Variants in HCN1 observed in about 807,000 individuals in gnomAD.
HCN1 encodes potassium/sodium hyperpolarization-activated cyclic nucleotide-gated channel 1.
HCN1 carries 13 observed loss-of-function variants against 78.9 expected under a neutral mutation model. That is an observed-to-expected ratio of 0.16 (90% CI 0.11 to 0.26). The LOEUF (loss-of-function observed/expected upper bound fraction) is 0.26. Ranked by LOEUF, HCN1 falls within the 10% of genes least tolerant of loss-of-function variation. HCN1 has a pLI of 1.00. For synonymous variants in HCN1, 552 were observed against 455.5 expected, an observed-to-expected ratio of 1.21 and a Z score of -2.70; for missense variants, 810 against 1,154.3, an observed-to-expected ratio of 0.70 and a Z score of 4.32.
intron 4 of HCN1, among the ~76,000 whole-genome samples, chr5:45,373,150 T>C (rs1579849681): frequency 8.1e-6 from 1 of 123,706 alleles, no homozygotes; most frequent in African/African-American, 3.1e-5. Flanking sequence ...ATATAATATA[T>C]ATAAAAATAT....
chr5:45,381,984 C>A lies in HCN1; in HGVS notation c.1230+14508G>T, dbSNP rs77746376. 2.1e-3 allele frequency among the ~76,000 whole-genome samples: 319 copies of A among 152,298 alleles called. 2 individuals carry two copies. Among genetic ancestry groups the A allele is most frequent in the African/African-American group, 7.5e-3 (312 of 41,576 alleles). ...TTGAGCTTCAATCCTACTGTCCAGCCATTGTCCTCCGCACTGACTCTGTTC... is the reference window on the plus strand; with the variant it reads ...TTGAGCTTCAATCCTACTGTCCAGCAATTGTCCTCCGCACTGACTCTGTTC... On this transcript the variant is annotated intron_variant, in intron 4 of 7. Transcript: ENST00000303230.
intron 2 of HCN1, among the ~76,000 whole-genome samples, chr5:45,524,941 T>G (rs1742700549): frequency 6.6e-6 from 1 of 152,188 alleles, no homozygotes; most frequent in Non-Finnish European, 1.5e-5. Context: ...GTGGTAGTTT[T>G]CAAAGGGAAT....
chr5:45,476,287 T>A (rs372055686), intron 2 of HCN1, among the ~76,000 whole-genome samples: 1 of 152,118 alleles, frequency 6.6e-6, no homozygotes, highest in South Asian at 2.1e-4. Flanking sequence ...TCTTGGACTT[T>A]CCAGCCTCCA....
chr5:45,435,522 T>C (rs1041558617), intron 3 of HCN1, among the ~76,000 whole-genome samples: 1 of 152,132 alleles, frequency 6.6e-6, no homozygotes, highest in Non-Finnish European at 1.5e-5. Context: ...TCATATTTTT[T>C]ATTTTAGAAA....
intron 1 of HCN1, among the ~76,000 whole-genome samples, chr5:45,670,107 G>A (rs1404346471): frequency 2.6e-5 from 4 of 151,512 alleles, no homozygotes; most frequent in African/African-American, 9.7e-5. Flanking sequence ...CATAGATGAA[G>A]AGAAAAAATT....
At chr5:45,300,311 G>A (rs563129737) in intron 6 of HCN1, among the ~76,000 whole-genome samples, 1 of 152,040 alleles carries the variant, frequency 6.6e-6, no homozygotes, top group East Asian at 1.9e-4. Flanking sequence ...ACAGGTTTGA[G>A]CTAGGCAAGC....
At chr5:45,305,176 C>T (rs1232118046) in intron 5 of HCN1, among the ~76,000 whole-genome samples, 1 of 152,044 alleles carries the variant, frequency 6.6e-6, no homozygotes, top group African/African-American at 2.4e-5. Flanking sequence ...TATCTTCTGC[C>T]TTGGGGAAAT....
At chr5:45,470,926 A>G (rs1208304404) in intron 2 of HCN1, among the ~76,000 whole-genome samples, 3 of 151,894 alleles carry the variant, frequency 2.0e-5, no homozygotes, top group African/African-American at 4.8e-5. Context: ...TTTCTTTAAC[A>G]TTATCATGTA....
At chr5:45,341,940 T>C (rs1344523062) in intron 5 of HCN1, among the ~76,000 whole-genome samples, 1 of 152,168 alleles carries the variant, frequency 6.6e-6, no homozygotes, top group African/African-American at 2.4e-5. Context: ...ATCTACCTTA[T>C]CATCTCAATT....
At chr5:45,494,203 T>A (rs1430387708) in intron 2 of HCN1, among the ~76,000 whole-genome samples, 9 of 152,056 alleles carry the variant, frequency 5.9e-5, no homozygotes, top group Non-Finnish European at 1.0e-4. Context: ...TTGAACTAGT[T>A]TACAGTCCCA....
intron 1 of HCN1, among the ~76,000 whole-genome samples, chr5:45,664,538 C>A (rs1329728572): frequency 6.7e-6 from 1 of 149,690 alleles, no homozygotes; most frequent in Non-Finnish European, 1.5e-5. Flanking sequence ...AAAATTTTCA[C>A]AACCTACTCA....
chr5:45,629,107 G>C (rs1745225454), intron 2 of HCN1, among the ~76,000 whole-genome samples: 1 of 151,838 alleles, frequency 6.6e-6, no homozygotes, highest in South Asian at 2.1e-4. Flanking sequence ...TCATTTTATA[G>C]GGATAAAGGC....
intron 1 of HCN1, among the ~76,000 whole-genome samples, chr5:45,668,751 C>T (rs761345438): frequency 1.6e-4 from 24 of 151,784 alleles, no homozygotes; most frequent in Admixed American, 5.3e-4. Flanking sequence ...AAGAACTTGA[C>T]GTAATAAGCA....
intron 3 of HCN1, among the ~76,000 whole-genome samples, chr5:45,407,605 C>T (rs1294027040): frequency 2.0e-5 from 3 of 152,024 alleles, no homozygotes; most frequent in South Asian, 2.1e-4. Flanking sequence ...CTGCAACCTC[C>T]GCCTACCTGG....
intron 2 of HCN1, among the ~76,000 whole-genome samples, chr5:45,638,359 T>G (rs1745393831): frequency 6.6e-6 from 1 of 152,108 alleles, no homozygotes. Context: ...TAGAAAAACC[T>G]GCAAAACAAG....
chr5:45,601,981 T>A (rs961135231), intron 2 of HCN1, among the ~76,000 whole-genome samples: 1 of 152,078 alleles, frequency 6.6e-6, no homozygotes, highest in Non-Finnish European at 1.5e-5. Flanking sequence ...CCCCCAAGCC[T>A]GTTCTTGTGA....
Position 45,454,479 on chromosome 5 carries a change from TTAAAAAAAAATAAAAAAAAA to T in HCN1, c.1011+7347_1011+7366del, listed in dbSNP as rs918278256. Among the ~76,000 whole-genome samples, 9 of 150,320 alleles carry T rather than the reference TTAAAAAAAAATAAAAAAAAA, an allele frequency of 6.0e-5. No individual in the cohort carries two copies. The South Asian group carries it at 8.4e-4, about 14-fold the overall frequency. ...CAAATTAGTTACCCTTTGTTAGGTC[TTAAAAAAAAATAAAAAAAAA>T]TAAAAAAAAATAAAATCTTTCTGTT... is the stretch of plus-strand genomic sequence containing the variant. On this transcript the variant is annotated intron_variant, in intron 3 of 7. Coordinates refer to ENST00000303230, the MANE Select transcript of HCN1 (RefSeq NM_021072.4).
chr5:45,622,981 C>T (rs984467110), intron 2 of HCN1, among the ~76,000 whole-genome samples: 3 of 151,984 alleles, frequency 2.0e-5, no homozygotes, highest in African/African-American at 7.3e-5. Context: ...GTCCTTTTGC[C>T]GGGAACATAT....
At chr5:45,600,200 C>T (rs1453954858) in intron 2 of HCN1, among the ~76,000 whole-genome samples, 1 of 152,094 alleles carries the variant, frequency 6.6e-6, no homozygotes, top group South Asian at 2.1e-4. Flanking sequence ...CACACACGCA[C>T]ACACACATGC....
Sources: gnomAD v4.1 joint callset for allele counts (sites outside exome capture counted in the v4.1 genomes callset) on GRCh38, gnomAD v4.1.1 for gene constraint, MANE v1.5 for transcripts, NCBI Gene and HGNC (gene_info 2026-07-23, HGNC 2026-07-21) for gene names.